The following DLGAP2 variants were observed in gnomAD, a reference collection of about 807,000 sequenced individuals.
DLGAP2 encodes the protein DLG associated protein 2, also known as disks large-associated protein 2.
In DLGAP2, 26 loss-of-function variants were observed where a neutral mutation model predicts 100.3. The observed-to-expected ratio is 0.26, with a 90% CI of 0.19 to 0.36. The LOEUF (loss-of-function observed/expected upper bound fraction) is 0.36, where lower values mean the gene tolerates loss of function less well. Ranked by LOEUF, DLGAP2 falls within the 10% of genes least tolerant of loss-of-function variation. The pLI is 1.00. For synonymous variants in DLGAP2, 886 were observed against 630.1 expected (o/e 1.41, Z -6.08); for missense variants, 1,858 against 1,453.2 (o/e 1.28, Z -4.53).
chr8:963,788 A>T (rs2129010634), intron 2 of DLGAP2, among the ~76,000 whole-genome samples: 1 of 152,342 alleles, frequency 6.6e-6, no homozygotes. Flanking sequence ...TAGGAATTCC[A>T]TTAAACATTA....
chr8:1,628,629 C>T (rs1174350860), intron 7 of DLGAP2, among the ~76,000 whole-genome samples: 2 of 148,416 alleles, frequency 1.3e-5, no homozygotes, highest in Admixed American at 6.7e-5. Flanking sequence ...AGAGCTTGAG[C>T]CGACCTCACA....
At chr8:748,774 G>A (rs539613837) in intron 1 of DLGAP2, among the ~76,000 whole-genome samples, 116 of 152,286 alleles carry the variant, frequency 7.6e-4, no homozygotes, top group African/African-American at 2.7e-3. Flanking sequence ...GGATGCTCTC[G>A]GAAAGCAGCC....
intron 3 of DLGAP2, chr8:1,259,608 A>T (rs762791329): frequency 6.6e-6 from 1 of 152,216 alleles, no homozygotes; most frequent in African/African-American, 2.4e-5. Context: ...GGAACTCGGG[A>T]CACAGCCAAC....
At chr8:1,148,911 G>C (rs1001574918) in intron 2 of DLGAP2, among the ~76,000 whole-genome samples, 1 of 152,158 alleles carries the variant, frequency 6.6e-6, no homozygotes, top group Non-Finnish European at 1.5e-5. Flanking sequence ...TCTGACTTCA[G>C]TGGTCTCTAT....
chr8:1,476,962 G>C (rs762361777), intron 3 of DLGAP2, among the ~76,000 whole-genome samples: 1 of 152,192 alleles, frequency 6.6e-6, no homozygotes, highest in Non-Finnish European at 1.5e-5. Context: ...CAAGTCAGAC[G>C]GACATTGTGA....
intron 3 of DLGAP2, chr8:1,301,536 C>G (rs1203212085): frequency 1.3e-5 from 2 of 152,108 alleles, no homozygotes; most frequent in Non-Finnish European, 2.9e-5. Context: ...GACACGAACA[C>G]TTTCACTCTT....
intron 3 of DLGAP2, among the ~76,000 whole-genome samples, chr8:1,348,172 G>C (rs1585284621): frequency 6.6e-6 from 1 of 152,018 alleles, no homozygotes; most frequent in East Asian, 1.9e-4. Flanking sequence ...ACTCATGGTA[G>C]CTGTGTAGAG....
At chr8:1,566,830 A>G (rs1802423166) in intron 6 of DLGAP2, among the ~76,000 whole-genome samples, 1 of 152,256 alleles carries the variant, frequency 6.6e-6, no homozygotes, top group Admixed American at 6.5e-5. Flanking sequence ...GAAATTTTAA[A>G]TTGAAACCAA....
chr8:1,382,587 T>C (rs536444650), intron 3 of DLGAP2, among the ~76,000 whole-genome samples: 9 of 151,986 alleles, frequency 5.9e-5, no homozygotes, highest in East Asian at 1.9e-4. Context: ...AAATAAACTT[T>C]TAAAAAATTA....
At chr8:1,013,179 G>A (rs571430383) in intron 2 of DLGAP2, among the ~76,000 whole-genome samples, 2 of 152,226 alleles carry the variant, frequency 1.3e-5, no homozygotes, top group Non-Finnish European at 2.9e-5. Flanking sequence ...CCTTTCATAC[G>A]TATCAATAGT....
intron 2 of DLGAP2, among the ~76,000 whole-genome samples, chr8:1,099,661 C>G (rs1463460520): frequency 6.6e-6 from 1 of 152,200 alleles, no homozygotes; most frequent in Admixed American, 6.5e-5. Flanking sequence ...CCTGAGATTT[C>G]TACATTAATT....
At chr8:803,516 ATG>A (rs1422863937) in intron 1 of DLGAP2, among the ~76,000 whole-genome samples, 1 of 151,996 alleles carries the variant, frequency 6.6e-6, no homozygotes, top group African/African-American at 2.4e-5. Flanking sequence ...AAGCTTGGAG[ATG>A]GCTCCCAGTA....
At position 745,889 on chromosome 8, in the gene DLGAP2, C is replaced by T. The variant is rs569116348; in HGVS notation, c.18+8064C>T. On this transcript the variant is annotated intron_variant, in intron 1 of 14. Transcript: ENST00000637795. ...CATAAAGACCAGACTGGAAGGATAC[C>T]GACTCCAGAAAGAGGAACCCTAGAA... 4.6e-5 allele frequency among the ~76,000 whole-genome samples: 7 copies of T among 152,270 alleles called. No homozygotes were observed. In the East Asian group the frequency reaches 1.2e-3, roughly 25 times the overall value.
At chr8:1,547,818 C>A (rs1434346147) in intron 4 of DLGAP2, among the ~76,000 whole-genome samples, 1 of 152,154 alleles carries the variant, frequency 6.6e-6, no homozygotes, top group African/African-American at 2.4e-5. Context: ...CAGCTGCCCC[C>A]ACACAGATGG....
intron 2 of DLGAP2, among the ~76,000 whole-genome samples, chr8:1,255,887 G>T (rs1453290734): frequency 8.1e-6 from 1 of 123,762 alleles, no homozygotes; most frequent in African/African-American, 3.9e-5. Flanking sequence ...CATCCTGCCT[G>T]GGTGCTATGT....
intron 10 of DLGAP2, 118 bp from the exon 11 acceptor site, chr8:1,676,415 G>C: frequency 4.7e-6 from 5 of 1,053,630 alleles, no homozygotes; most frequent in Non-Finnish European, 7.1e-6. Context: ...CAAGTGCACC[G>C]CTGCATTAAT....
intron 3 of DLGAP2, among the ~76,000 whole-genome samples, chr8:1,386,406 G>C (rs1404233467): frequency 6.6e-6 from 1 of 152,182 alleles, no homozygotes; most frequent in African/African-American, 2.4e-5. Flanking sequence ...GAGCTTTCAG[G>C]GAGAAAAGAC....
intron 2 of DLGAP2, among the ~76,000 whole-genome samples, chr8:1,202,353 C>G (rs1394201348): frequency 2.0e-5 from 3 of 151,732 alleles, no homozygotes; most frequent in Non-Finnish European, 2.9e-5. Flanking sequence ...GCAGGCACGG[C>G]TCCTCTTGGC....
At chr8:1,530,655 G>C (rs1800959011) in intron 4 of DLGAP2, among the ~76,000 whole-genome samples, 1 of 152,208 alleles carries the variant, frequency 6.6e-6, no homozygotes, top group Non-Finnish European at 1.5e-5. Flanking sequence ...CTGCAGTAAA[G>C]ACAGGCATAA....
Sources: gnomAD v4.1 joint callset for allele counts (sites outside exome capture counted in the v4.1 genomes callset) on GRCh38, gnomAD v4.1.1 for gene constraint, MANE v1.5 for transcripts, NCBI Gene and HGNC (gene_info 2026-07-23, HGNC 2026-07-21) for gene names.